Variants in SASH1 observed in about 807,000 individuals in gnomAD.
SASH1 encodes SAM and SH3 domain containing 1, also known as SAM and SH3 domain-containing protein 1.
SASH1 carries 44 observed loss-of-function variants against 125.2 expected under a neutral mutation model. The ratio of observed to expected loss-of-function variants is 0.35; its 90% CI spans 0.28 to 0.45. The LOEUF (loss-of-function observed/expected upper bound fraction) is 0.45. Ranked by LOEUF, SASH1 falls within the 20% of genes least tolerant of loss-of-function variation. The pLI is 1.00. For missense variants in SASH1, 1,426 were observed against 1,614.5 expected (o/e 0.88, Z 2.00); for synonymous variants, 639 against 649.1 (o/e 0.98, Z 0.24).
At chr6:148,465,548 G>GAA (rs564107121) in intron 4 of SASH1, among the ~76,000 whole-genome samples, 2 of 100,828 alleles carry the variant, frequency 2.0e-5, no homozygotes, top group Non-Finnish European at 2.2e-5. Flanking sequence ...GTCTCCAGGA[G>GAA]AAAAAAAAAA....
At chr6:148,252,735 G>A in the SASH1 span, among the ~76,000 whole-genome samples, 8 of 152,030 alleles carry the variant, frequency 5.3e-5, no homozygotes, top group Admixed American at 3.3e-4. Context: ...CGCCTCGGCC[G>A]CCCAAAGTGC....
At chr6:148,433,624 T>C (rs1333684829) in intron 2 of SASH1, among the ~76,000 whole-genome samples, 2 of 152,036 alleles carry the variant, frequency 1.3e-5, no homozygotes, top group Non-Finnish European at 2.9e-5. Context: ...CAGGCTGGTC[T>C]TGAACTACTG....
chr6:148,331,556 C>G (rs1264575926), intron 1 of SASH1, among the ~76,000 whole-genome samples: 1 of 152,114 alleles, frequency 6.6e-6, no homozygotes, highest in African/African-American at 2.4e-5. Context: ...GTCTCTAACT[C>G]CTGACCTCGT....
chr6:148,492,059 G>A (rs953630380), intron 8 of SASH1, among the ~76,000 whole-genome samples: 1 of 152,136 alleles, frequency 6.6e-6, no homozygotes, highest in Non-Finnish European at 1.5e-5. Context: ...TGTCCATACC[G>A]GGTCCCTTAG....
At chr6:148,292,185 T>C (rs959488589) in intron 1 of SASH1, among the ~76,000 whole-genome samples, 2 of 152,220 alleles carry the variant, frequency 1.3e-5, no homozygotes, top group African/African-American at 4.8e-5. Context: ...ATCATGCAGC[T>C]GGGAGAAATA....
chr6:148,507,169 A>G (rs761065644), intron 8 of SASH1, among the ~76,000 whole-genome samples: 4 of 152,180 alleles, frequency 2.6e-5, no homozygotes, highest in Non-Finnish European at 5.9e-5. Flanking sequence ...ACTTCTGAGC[A>G]GAAGACAGAG....
At chr6:148,308,474 T>C (rs62433971) in intron 1 of SASH1, among the ~76,000 whole-genome samples, 37,496 of 150,716 alleles carry the variant, frequency 0.25, 4,817 homozygotes, top group South Asian at 0.34. Context: ...TGGCTCACTG[T>C]AACCTCCGCT....
intron 4 of SASH1, among the ~76,000 whole-genome samples, chr6:148,446,145 G>A (rs971756987): frequency 1.0e-5 from 1 of 99,108 alleles, no homozygotes; most frequent in African/African-American, 3.6e-5. Flanking sequence ...GCCTCACTCT[G>A]TCGCCCAGGC....
chr6:148,227,771 C>A, the SASH1 span, among the ~76,000 whole-genome samples: 10 of 152,170 alleles, frequency 6.6e-5, no homozygotes, highest in African/African-American at 2.2e-4. Context: ...ATTCCTGTAT[C>A]TTTTTGTACA....
chr6:148,487,821 G>T, intron 8 of SASH1, 106 bp downstream of exon 8: 1 of 720,372 alleles, frequency 1.4e-6, no homozygotes, highest in Non-Finnish European at 2.3e-6. Context: ...CTCGCACCTG[G>T]GTCTGCAAAG....
chr6:148,359,331 T>TG (rs200570319), intron 1 of SASH1, among the ~76,000 whole-genome samples: 6,191 of 151,170 alleles, frequency 0.041, 458 homozygotes, highest in African/African-American at 0.14. Context: ...GCCGGTTTTT[T>TG]TTTTTTTTTT....
At chr6:148,410,716 A>T (rs1189307742) in intron 2 of SASH1, among the ~76,000 whole-genome samples, 1 of 152,224 alleles carries the variant, frequency 6.6e-6, no homozygotes, top group Non-Finnish European at 1.5e-5. Context: ...GAAACTTCAT[A>T]AGGAAATAAA....
At chr6:148,266,329 C>T in the SASH1 span, among the ~76,000 whole-genome samples, 2 of 151,972 alleles carry the variant, frequency 1.3e-5, no homozygotes, top group Admixed American at 6.6e-5. Flanking sequence ...GTTGACTGAA[C>T]GGAAAATAAG....
At chr6:148,395,983 A>G in intron 2 of SASH1, among the ~76,000 whole-genome samples, 1 of 152,166 alleles carries the variant, frequency 6.6e-6, no homozygotes, top group East Asian at 1.9e-4. Flanking sequence ...GAGCTGACAG[A>G]GAAGTCCCTA....
At chr6:148,373,557 C>T (rs576394537) in intron 1 of SASH1, among the ~76,000 whole-genome samples, 1 of 152,036 alleles carries the variant, frequency 6.6e-6, no homozygotes, top group East Asian at 1.9e-4. Context: ...GGTTTCTGAG[C>T]AGAGGGACAT....
At chr6:148,199,228 A>G in the SASH1 span, among the ~76,000 whole-genome samples, 12 of 152,142 alleles carry the variant, frequency 7.9e-5, no homozygotes, top group African/African-American at 2.4e-4. Flanking sequence ...CTAAAAATAC[A>G]AAAATTAACT....
chr6:148,378,864 C>A (rs1783018356), intron 1 of SASH1, among the ~76,000 whole-genome samples: 3 of 152,148 alleles, frequency 2.0e-5, no homozygotes, highest in Admixed American at 2.0e-4. Context: ...TTGGTGTCAG[C>A]AGCATTAAGA....
chr6:148,398,945 A>G lies in SASH1; in HGVS notation c.285+8683A>G, dbSNP rs980912406. On this transcript the variant is annotated intron_variant, in intron 2 of 19. Coordinates refer to ENST00000367467, the MANE Select transcript of SASH1 (RefSeq NM_015278.5). The stretch of plus-strand genomic sequence containing the variant: ...TTCCAATTTAGTCAGCATTTTTTGC[A>G]CATGGCACTATGGGAACGTGGACAT... Among the ~76,000 whole-genome samples, 3 of 152,210 alleles carry G rather than the reference A, an allele frequency of 2.0e-5. No homozygotes were observed. In the East Asian group the frequency reaches 5.8e-4, roughly 29 times the overall value.
intron 2 of SASH1, among the ~76,000 whole-genome samples, chr6:148,408,778 T>G (rs1462295070): frequency 6.6e-6 from 1 of 152,234 alleles, no homozygotes; most frequent in Non-Finnish European, 1.5e-5. Context: ...CTATGTTGTC[T>G]TGTAAGAGTT....
Sources: allele counts gnomAD v4.1 joint callset (sites outside exome capture counted in the v4.1 genomes callset), GRCh38; gene constraint gnomAD v4.1.1; transcripts MANE v1.5; gene names NCBI Gene and HGNC (gene_info 2026-07-23, HGNC 2026-07-21).